The following CCDC85A variants were observed in gnomAD, a reference collection of about 807,000 sequenced individuals.
CCDC85A encodes the protein coiled-coil domain containing 85A, also known as coiled-coil domain-containing protein 85A.
Under a neutral mutation model 50.2 loss-of-function variants are expected in CCDC85A, and 38 were observed. The ratio of observed to expected loss-of-function variants is 0.76; its 90% CI spans 0.58 to 0.99. CCDC85A has a LOEUF of 0.99. Ranked by LOEUF, CCDC85A falls within the 50% of genes least tolerant of loss-of-function variation. The pLI is 0.00. For synonymous variants in CCDC85A, 366 were observed against 301.4 expected (o/e 1.21, Z -2.22); for missense variants, 820 against 742.0 (o/e 1.11, Z -1.22).
chr2:56,304,716 G>C (rs530358377), intron 2 of CCDC85A, among the ~76,000 whole-genome samples: 1 of 152,128 alleles, frequency 6.6e-6, no homozygotes, highest in African/African-American at 2.4e-5. Context: ...GAAAATATCT[G>C]ACCTCAGTAT....
At chr2:56,328,389 A>T (rs1156677705) in intron 2 of CCDC85A, among the ~76,000 whole-genome samples, 4 of 152,106 alleles carry the variant, frequency 2.6e-5, no homozygotes, top group African/African-American at 9.7e-5. Context: ...AAGGGGATAA[A>T]GTGAACTGGG....
At chr2:56,208,702 C>A (rs1558584891) in intron 2 of CCDC85A, among the ~76,000 whole-genome samples, 2 of 152,048 alleles carry the variant, frequency 1.3e-5, no homozygotes, top group African/African-American at 2.4e-5. Flanking sequence ...GCTTTCCCTT[C>A]CTTTTCCTCC....
chr2:56,355,294 C>T (rs762959104), intron 3 of CCDC85A, among the ~76,000 whole-genome samples: 11 of 152,136 alleles, frequency 7.2e-5, no homozygotes, highest in Non-Finnish European at 1.6e-4. Flanking sequence ...ACTGTTAAGG[C>T]CAGGAAATGG....
intron 2 of CCDC85A, among the ~76,000 whole-genome samples, chr2:56,263,000 T>C (rs751825551): frequency 4.0e-5 from 6 of 151,860 alleles, no homozygotes; most frequent in Non-Finnish European, 5.9e-5. Context: ...ACTTAAAGCA[T>C]TGATTAACAA....
intron 2 of CCDC85A, among the ~76,000 whole-genome samples, chr2:56,340,737 G>A (rs1674320710): frequency 1.3e-5 from 2 of 151,982 alleles, no homozygotes; most frequent in African/African-American, 4.8e-5. Flanking sequence ...ATAGCCAGGC[G>A]TGGTGGCACA....
At chr2:56,245,733 G>T (rs1573092202) in intron 2 of CCDC85A, among the ~76,000 whole-genome samples, 1 of 152,002 alleles carries the variant, frequency 6.6e-6, no homozygotes, top group Non-Finnish European at 1.5e-5. Context: ...TAGGAGGTGG[G>T]GTCTCTAAGA....
chr2:56,280,535 C>G (rs1233980765), intron 2 of CCDC85A, among the ~76,000 whole-genome samples: 2 of 152,132 alleles, frequency 1.3e-5, no homozygotes, highest in African/African-American at 4.8e-5. Flanking sequence ...CCTCACCATG[C>G]TTACAAGCAA....
intron 2 of CCDC85A, among the ~76,000 whole-genome samples, chr2:56,318,168 A>G (rs985610148): frequency 6.6e-5 from 10 of 152,112 alleles, no homozygotes; most frequent in African/African-American, 2.4e-4. Flanking sequence ...ATAAGACTTA[A>G]TGCTTAATAT....
chr2:56,355,449 A>G (rs1422343671), intron 3 of CCDC85A, among the ~76,000 whole-genome samples: 1 of 152,134 alleles, frequency 6.6e-6, no homozygotes. Context: ...CTCAAACTTC[A>G]TAGTATCTCA....
intron 2 of CCDC85A, among the ~76,000 whole-genome samples, chr2:56,297,144 G>C (rs532119914): frequency 2.6e-5 from 4 of 152,174 alleles, no homozygotes; most frequent in African/African-American, 9.6e-5. Flanking sequence ...TGAGAGGTGG[G>C]GGCATGTGTC....
intron 2 of CCDC85A, among the ~76,000 whole-genome samples, chr2:56,264,985 G>A (rs1005810573): frequency 4.6e-5 from 7 of 152,152 alleles, no homozygotes; most frequent in African/African-American, 1.4e-4. Flanking sequence ...ACTTGGACTT[G>A]CCTGTGTAAA....
At chr2:56,314,259 G>A (rs929288027) in intron 2 of CCDC85A, among the ~76,000 whole-genome samples, 15 of 151,488 alleles carry the variant, frequency 9.9e-5, no homozygotes, top group Admixed American at 4.0e-4. Context: ...GGGGTCAGAT[G>A]TGTGATGGTA....
intron 2 of CCDC85A, among the ~76,000 whole-genome samples, chr2:56,283,852 T>C (rs925044697): frequency 5.3e-5 from 8 of 152,154 alleles, no homozygotes; most frequent in Non-Finnish European, 4.4e-5. Flanking sequence ...GTTTTGTCTA[T>C]TGTTTGTGCG....
At chr2:56,217,627 C>A (rs573368218) in intron 2 of CCDC85A, among the ~76,000 whole-genome samples, 19 of 151,720 alleles carry the variant, frequency 1.3e-4, no homozygotes, top group Non-Finnish European at 2.7e-4. Context: ...AAAGAGCCAG[C>A]ATTGGTAAGG....
chr2:56,373,541 T>C (rs1301727701), intron 4 of CCDC85A, among the ~76,000 whole-genome samples: 1 of 152,190 alleles, frequency 6.6e-6, no homozygotes, highest in East Asian at 1.9e-4. Flanking sequence ...TAGAGGCCCA[T>C]GCCCAAGCAA....
chr2:56,260,426 G>A (rs1670169291), intron 2 of CCDC85A, among the ~76,000 whole-genome samples: 1 of 152,192 alleles, frequency 6.6e-6, no homozygotes, highest in Non-Finnish European at 1.5e-5. Context: ...CATAATATAA[G>A]TCATGCTTGA....
intron 2 of CCDC85A, among the ~76,000 whole-genome samples, chr2:56,220,654 C>A (rs1028568644): frequency 6.6e-6 from 1 of 151,956 alleles, no homozygotes; most frequent in Non-Finnish European, 1.5e-5. Context: ...TATTTCTTCT[C>A]AGTAGTGAAA....
chr2:56,267,809 A>G (rs1290296664), intron 2 of CCDC85A, among the ~76,000 whole-genome samples: 1 of 152,210 alleles, frequency 6.6e-6, no homozygotes, highest in African/African-American at 2.4e-5. Context: ...CTAAAATCTA[A>G]CTATCAGGAT....
At chr2:56,249,805 C>T (rs926462009) in intron 2 of CCDC85A, among the ~76,000 whole-genome samples, 12 of 152,312 alleles carry the variant, frequency 7.9e-5, no homozygotes, top group African/African-American at 2.4e-4. Context: ...TCTGTGTCTA[C>T]ACCTGGGCCC....
Sources: gnomAD v4.1 joint callset for allele counts (sites outside exome capture counted in the v4.1 genomes callset) on GRCh38, gnomAD v4.1.1 for gene constraint, MANE v1.5 for transcripts, NCBI Gene and HGNC (gene_info 2026-07-23, HGNC 2026-07-21) for gene names.